The following UNC80 variants were observed in gnomAD, a reference collection of about 807,000 sequenced individuals.
The protein encoded by UNC80 is unc-80 subunit of NALCN channel complex.
A neutral mutation model predicts 384.6 loss-of-function variants in UNC80; 164 were observed. That is an observed-to-expected ratio of 0.43 (90% CI 0.38 to 0.49). UNC80 has a LOEUF of 0.49. Ranked by LOEUF, UNC80 falls within the 20% of genes least tolerant of loss-of-function variation. The probability of loss-of-function intolerance (pLI) is 0.00; values close to 1 mark genes in which losing one functional copy is unlikely to be tolerated. For missense variants in UNC80, 3,330 were observed against 4,143.0 expected (o/e 0.80, Z 5.39); for synonymous variants, 1,486 against 1,527.8 (o/e 0.97, Z 0.64).
At chr2:209,870,221 A>G (rs2084177661) in intron 22 of UNC80, among the ~76,000 whole-genome samples, 1 of 152,168 alleles carries the variant, frequency 6.6e-6, no homozygotes, top group African/African-American at 2.4e-5. Context: ...CTTTGAATCC[A>G]CATTGCTTTA....
chr2:209,820,479 C>T lies in UNC80; in HGVS notation c.2131C>T (p.Pro711Ser), dbSNP rs1214709289. ...GGAAAATGAGACCTTGGAAAAGAGG[C>T]CAAGTGAGGGAGCTTTCCAATTCAA... ...NKENETLEKR[P>S]SEGAFQFKGV... The change falls in exon 13 of 65, where the codon CCA becomes TCA. Residue 711 changes from proline (P) to serine (S), a missense_variant. Coordinates refer to ENST00000673920, the MANE Select transcript of UNC80 (RefSeq NM_001371986.1). 1 of 1,551,520 alleles carries T rather than the reference C, an allele frequency of 6.4e-7. No individual in the cohort carries two copies. The highest frequency in any genetic ancestry group is 8.7e-7 in the Non-Finnish European group (1 of 1,146,958).
intron 18 of UNC80, among the ~76,000 whole-genome samples, chr2:209,837,109 T>TA (rs2081380564): frequency 1.3e-5 from 2 of 150,822 alleles, no homozygotes; most frequent in Non-Finnish European, 1.5e-5. Context: ...ACCCTATTTT[T>TA]TAAAAAAAGA....
chr2:209,815,470 C>G (rs914877008), intron 9 of UNC80, 79 bp downstream of exon 9: 1 of 1,452,474 alleles, frequency 6.9e-7, no homozygotes, highest in African/African-American at 1.4e-5. Context: ...TCTGATGATA[C>G]TGCAGTATGG....
At position 209,943,457 on chromosome 2, in the gene UNC80, C is replaced by G. The variant is rs1319509980; in HGVS notation, c.6993C>G (p.His2331Gln). ...CCTGTCACCAGTTCTATATTCTACA[C>G]CGGAAGCCCTTTGTGCTCCAGCTGT... is the stretch of plus-strand genomic sequence containing the variant. ...EFACHQFYILHRKPFVLQLFA... is the reference protein window; with the variant it reads ...EFACHQFYILQRKPFVLQLFA... Residue 2331 changes from histidine (H) to glutamine (Q), a missense_variant, in exon 45 of 65, where the codon CAC becomes CAG. Transcript: ENST00000673920. 6.4e-7 allele frequency: 1 copy of G among 1,552,056 alleles called. No individual in the cohort carries two copies. The highest frequency in any genetic ancestry group is 1.2e-5 in the South Asian group (1 of 84,060).
intron 4 of UNC80, among the ~76,000 whole-genome samples, chr2:209,782,908 A>AT (rs61203868): frequency 0.15 from 21,946 of 145,654 alleles, 2,406 homozygotes; most frequent in African/African-American, 0.31. Flanking sequence ...ACATTCACTT[A>AT]TTTTTTTTTT....
rs2093474118 is a variant in UNC80, at chr2:209,995,717, G to A, written c.*122G>A. On this transcript the variant is annotated 3_prime_UTR_variant, in exon 65 of 65. Coordinates refer to ENST00000673920, the MANE Select transcript of UNC80 (RefSeq NM_001371986.1). ...AATAGCACTTTACTTCTAATGGGTG[G>A]CACAAATCTGAATAGGTTTTGCTGC... The A allele has an allele frequency of 8.5e-6, 10 of 1,182,480 alleles. No individual in the cohort carries two copies. In the South Asian group the frequency reaches 1.3e-4, roughly 15 times the overall value. The allele number at this position is 1,182,480 out of a possible 1,614,324, so 73.2% of individuals were successfully genotyped here. A position where few individuals can be genotyped will look rare whatever the true frequency, so the allele number is the denominator to read the frequency against.
intron 33 of UNC80, 98 bp from the exon 34 acceptor site, chr2:209,921,402 C>A: frequency 1.6e-6 from 2 of 1,213,438 alleles, no homozygotes; most frequent in Non-Finnish European, 2.2e-6. Context: ...TTCCTGAGGA[C>A]AAACTACTAC....
intron 27 of UNC80, 113 bp downstream of exon 27, chr2:209,894,479 A>G (rs1351628632): frequency 5.6e-6 from 3 of 540,352 alleles, no homozygotes; most frequent in Non-Finnish European, 7.1e-6. Context: ...GGGCAGAGCC[A>G]TAGGATAGAC....
intron 7 of UNC80, among the ~76,000 whole-genome samples, chr2:209,804,968 C>T (rs2078799869): frequency 6.6e-6 from 1 of 151,990 alleles, no homozygotes; most frequent in Non-Finnish European, 1.5e-5. Context: ...CACATTTTTC[C>T]AAAAGTTCTT....
At chr2:209,840,756 G>A in intron 20 of UNC80, 108 bp downstream of exon 20, 1 of 879,266 alleles carries the variant, frequency 1.1e-6, no homozygotes, top group Non-Finnish European at 1.8e-6. Flanking sequence ...AAAAGCTGAA[G>A]AAACTCTCCA....
chr2:209,797,812 C>T (rs948235426), intron 7 of UNC80, among the ~76,000 whole-genome samples: 1 of 152,166 alleles, frequency 6.6e-6, no homozygotes, highest in African/African-American at 2.4e-5. Flanking sequence ...CACAGCCTCA[C>T]CAGCATCTAT....
At chr2:209,844,328 A>G (rs2081976266) in intron 21 of UNC80, among the ~76,000 whole-genome samples, 1 of 152,168 alleles carries the variant, frequency 6.6e-6, no homozygotes, top group African/African-American at 2.4e-5. Context: ...CAAAGAATGT[A>G]GGGTCTCTCA....
intron 21 of UNC80, 142 bp downstream of exon 21, chr2:209,842,588 G>T: frequency 1.5e-6 from 1 of 652,884 alleles, no homozygotes. Flanking sequence ...ACTGTCTATA[G>T]CTTCTGTTTT....
intron 48 of UNC80, among the ~76,000 whole-genome samples, chr2:209,955,283 A>G (rs1449949987): frequency 6.6e-6 from 1 of 152,098 alleles, no homozygotes; most frequent in African/African-American, 2.4e-5. Flanking sequence ...CCTTTAGTCC[A>G]GGAAGGACTT....
chr2:209,797,822 T>C (rs1024902310), intron 7 of UNC80, among the ~76,000 whole-genome samples: 1 of 152,330 alleles, frequency 6.6e-6, no homozygotes, highest in East Asian at 1.9e-4. Flanking sequence ...CCAGCATCTA[T>C]TGTTTACTGA....
intron 13 of UNC80, among the ~76,000 whole-genome samples, chr2:209,823,193 A>T (rs1270487622): frequency 6.6e-6 from 1 of 152,156 alleles, no homozygotes; most frequent in Non-Finnish European, 1.5e-5. Flanking sequence ...AATATCTTCA[A>T]TTTTTTTGCC....
At chr2:209,950,006 T>G (rs950253322) in intron 47 of UNC80, among the ~76,000 whole-genome samples, 3 of 150,544 alleles carry the variant, frequency 2.0e-5, no homozygotes, top group Admixed American at 1.3e-4. Flanking sequence ...TTTTTTGATT[T>G]TTTGAGAGAT....
chr2:209,862,831 C>G (rs1022974682), intron 22 of UNC80, among the ~76,000 whole-genome samples: 2 of 151,854 alleles, frequency 1.3e-5, no homozygotes, highest in Non-Finnish European at 2.9e-5. Context: ...AGCCCATTTA[C>G]CTTTAAGGTT....
rs1204306509 is a variant in UNC80, at chr2:209,939,497, T to C, written c.6491T>C (p.Val2164Ala). The C allele has an allele frequency of 1.3e-6, 2 of 1,550,982 alleles. No homozygotes were observed. The highest frequency in any genetic ancestry group is 3.9e-5 in the Admixed American group (2 of 50,970). Residue 2164 changes from valine (V) to alanine (A), a missense_variant, in exon 43 of 65, where the codon GTA (valine) becomes GCA (alanine). Around this residue, in one of 8 missense-constraint regions of UNC80, gnomAD observed 1,049 missense variants for 1,488.6 expected, o/e 0.70. Transcript: ENST00000673920. ...GTGTTCACCCGAAAGCTGGAAGAAG[T>C]AGGGCGGGTGTTGTTTCTCATCTCC... is the stretch of plus-strand genomic sequence containing the variant. Reference protein sequence around the residue: ...KQVFTRKLEEVGRVLFLISLT... With the variant: ...KQVFTRKLEEAGRVLFLISLT...
Sources: gnomAD v4.1 joint callset for allele counts (sites outside exome capture counted in the v4.1 genomes callset) on GRCh38, gnomAD v4.1.1 for gene constraint, gnomAD v4.1.1 regional missense constraint, MANE v1.5 for transcripts, NCBI Gene and HGNC (gene_info 2026-07-23, HGNC 2026-07-21) for gene names.